ERC2: variants seen among roughly 807,000 people sequenced by gnomAD.
The protein encoded by ERC2 is ELKS/RAB6-interacting/CAST family member 2.
A neutral mutation model predicts 114.8 loss-of-function variants in ERC2; 42 were observed. That is an observed-to-expected ratio of 0.37 (90% CI 0.29 to 0.47). ERC2 has a LOEUF of 0.47. Among genes scored for constraint, ERC2 ranks in the 20% least tolerant of loss-of-function variants. The probability of loss-of-function intolerance (pLI) is 0.99; values close to 1 mark genes in which losing one functional copy is unlikely to be tolerated. For synonymous variants in ERC2, 454 were observed against 425.5 expected (o/e 1.07, Z -0.82); for missense variants, 939 against 1,150.7 (o/e 0.82, Z 2.66).
intron 14 of ERC2, among the ~76,000 whole-genome samples, chr3:55,835,062 T>C (rs2060808547): frequency 6.6e-6 from 1 of 151,708 alleles, no homozygotes; most frequent in Non-Finnish European, 1.5e-5. Flanking sequence ...AGAAGTTGAA[T>C]CTCTGAATAG....
At chr3:55,755,875 A>C (rs1352929593) in intron 14 of ERC2, among the ~76,000 whole-genome samples, 1 of 152,160 alleles carries the variant, frequency 6.6e-6, no homozygotes, top group East Asian at 1.9e-4. Flanking sequence ...CTCTGTTTCC[A>C]ATTTCAATCT....
chr3:56,303,728 G>T (rs2056046999), intron 2 of ERC2, among the ~76,000 whole-genome samples: 1 of 152,208 alleles, frequency 6.6e-6, no homozygotes, highest in South Asian at 2.1e-4. Flanking sequence ...ACTCACTGAA[G>T]CGAGGGAACT....
intron 17 of ERC2, among the ~76,000 whole-genome samples, chr3:55,660,720 G>A (rs897658106): frequency 6.6e-6 from 1 of 152,172 alleles, no homozygotes; most frequent in Non-Finnish European, 1.5e-5. Flanking sequence ...CAGCACTTAT[G>A]TGCACAGACT....
At chr3:56,448,500 C>T (rs947794184) in intron 1 of ERC2, among the ~76,000 whole-genome samples, 1 of 152,166 alleles carries the variant, frequency 6.6e-6, no homozygotes, top group Non-Finnish European at 1.5e-5. Context: ...GCCTGCCCCC[C>T]ACACCTCCGC....
chr3:56,157,100 G>A (rs930509745), intron 4 of ERC2, among the ~76,000 whole-genome samples: 6 of 152,098 alleles, frequency 3.9e-5, no homozygotes, highest in Non-Finnish European at 8.8e-5. Flanking sequence ...CTTGCCCAAG[G>A]TTTCCCCCTG....
intron 7 of ERC2, among the ~76,000 whole-genome samples, chr3:56,079,290 T>C (rs2077118448): frequency 6.6e-6 from 1 of 152,162 alleles, no homozygotes; most frequent in Non-Finnish European, 1.5e-5. Flanking sequence ...CCAGATCTGA[T>C]GTGCACTTCA....
chr3:56,343,188 T>TCACACA lies in ERC2; in HGVS notation c.658-46754_658-46753insTGTGTG, dbSNP rs1247948473. Among the ~76,000 whole-genome samples, 109 of 31,452 alleles carry TCACACA rather than the reference T, an allele frequency of 3.5e-3. 1 individual carries two copies. In the South Asian group the frequency reaches 0.12, roughly 36 times the overall value. The allele number at this position is 31,452 out of a possible 152,430, so 20.6% of individuals were successfully genotyped here. On this transcript the variant is annotated intron_variant, in intron 2 of 17. Coordinates refer to ENST00000288221, the MANE Select transcript of ERC2 (RefSeq NM_015576.3). Reference sequence around the variant, plus strand: ...CTCTTTCTCTCTCTCTCTCTCTCTCTCTCTCACACACACACACACACAAAC... The same window carrying TCACACA: ...CTCTTTCTCTCTCTCTCTCTCTCTCTCACACACTCTCACACACACACACACACAAAC...
At chr3:56,322,534 G>GC (rs2057175524) in intron 2 of ERC2, among the ~76,000 whole-genome samples, 1 of 152,170 alleles carries the variant, frequency 6.6e-6, no homozygotes, top group Non-Finnish European at 1.5e-5. Flanking sequence ...CAGCCAAGAT[G>GC]GAGTTGGAGA....
chr3:56,352,988 A>G (rs1274313913), intron 2 of ERC2, among the ~76,000 whole-genome samples: 1 of 152,168 alleles, frequency 6.6e-6, no homozygotes, highest in Non-Finnish European at 1.5e-5. Flanking sequence ...ATACTATCAC[A>G]TTTGCCATAT....
intron 2 of ERC2, among the ~76,000 whole-genome samples, chr3:56,427,972 C>A (rs1262878828): frequency 1.3e-5 from 2 of 152,104 alleles, no homozygotes; most frequent in African/African-American, 4.8e-5. Flanking sequence ...ACCAGAAAAT[C>A]CGTTTTGAAA....
At chr3:55,598,312 G>A (rs889396724) in intron 17 of ERC2, among the ~76,000 whole-genome samples, 3 of 152,200 alleles carry the variant, frequency 2.0e-5, no homozygotes, top group African/African-American at 7.2e-5. Context: ...AATCAGCTGT[G>A]TGGCCATATT....
intron 7 of ERC2, among the ~76,000 whole-genome samples, chr3:56,069,453 G>A (rs909679600): frequency 4.6e-5 from 7 of 152,128 alleles, no homozygotes; most frequent in African/African-American, 1.7e-4. Flanking sequence ...GTCTGTCAAG[G>A]TGTGGCTGGG....
chr3:56,127,353 G>A (rs1221669149), intron 6 of ERC2, among the ~76,000 whole-genome samples: 3 of 152,076 alleles, frequency 2.0e-5, no homozygotes, highest in Admixed American at 6.6e-5. Context: ...AACAGATCCC[G>A]AAAAGCCAAA....
chr3:55,972,975 G>T (rs760612081), intron 12 of ERC2, among the ~76,000 whole-genome samples: 2 of 152,194 alleles, frequency 1.3e-5, no homozygotes, highest in Non-Finnish European at 2.9e-5. Context: ...GAATGAGGGG[G>T]TAGAGTGACA....
intron 17 of ERC2, among the ~76,000 whole-genome samples, chr3:55,535,603 C>T (rs1474513933): frequency 6.6e-6 from 1 of 152,204 alleles, no homozygotes; most frequent in East Asian, 1.9e-4. Context: ...AAGGCTCACA[C>T]CCATGAATGG....
intron 4 of ERC2, among the ~76,000 whole-genome samples, chr3:56,151,444 G>T (rs1245792304): frequency 6.6e-6 from 1 of 152,128 alleles, no homozygotes; most frequent in Non-Finnish European, 1.5e-5. Flanking sequence ...ACAGGGAAAA[G>T]TAGGTAGGAG....
chr3:55,623,118 A>C (rs2059387400), intron 17 of ERC2, among the ~76,000 whole-genome samples: 1 of 152,190 alleles, frequency 6.6e-6, no homozygotes, highest in Admixed American at 6.5e-5. Flanking sequence ...AGGATGGTAT[A>C]AAGTGGCACA....
intron 4 of ERC2, among the ~76,000 whole-genome samples, chr3:56,166,888 T>C (rs2082349438): frequency 6.6e-6 from 1 of 152,118 alleles, no homozygotes; most frequent in African/African-American, 2.4e-5. Context: ...CTCTATTTAT[T>C]TAATGTTAGC....
At chr3:55,756,005 C>T (rs2067034660) in intron 14 of ERC2, among the ~76,000 whole-genome samples, 1 of 152,028 alleles carries the variant, frequency 6.6e-6, no homozygotes, top group African/African-American at 2.4e-5. Context: ...AAACTCGGGG[C>T]CAGACACAGA....
Sources: allele counts gnomAD v4.1 joint callset (sites outside exome capture counted in the v4.1 genomes callset), GRCh38; gene constraint gnomAD v4.1.1; transcripts MANE v1.5; gene names NCBI Gene and HGNC (gene_info 2026-07-23, HGNC 2026-07-21).